The following LDHAL6A variants were observed in gnomAD, a reference collection of about 807,000 sequenced individuals.
The protein encoded by LDHAL6A is lactate dehydrogenase A like 6A.
In LDHAL6A, 19 loss-of-function variants were observed where a neutral mutation model predicts 28.2. The observed-to-expected ratio is 0.67, with a 90% CI of 0.47 to 0.99. LDHAL6A has a LOEUF of 0.99. Among genes scored for constraint, LDHAL6A ranks in the 50% least tolerant of loss-of-function variants. The probability of loss-of-function intolerance (pLI) is 0.00; values close to 1 mark genes in which losing one functional copy is unlikely to be tolerated. For synonymous variants in LDHAL6A, 144 were observed against 134.4 expected (o/e 1.07, Z -0.49); for missense variants, 372 against 398.6 (o/e 0.93, Z 0.57).
chr11:18,466,675 G>C (rs868468637), intron 3 of LDHAL6A, among the ~76,000 whole-genome samples: 39 of 138,742 alleles, frequency 2.8e-4, no homozygotes, highest in South Asian at 9.8e-4. Context: ...AAAAAAAGTA[G>C]TGTGTATGGG....
intron 1 of LDHAL6A, among the ~76,000 whole-genome samples, chr11:18,461,404 A>C (rs764314462): frequency 1.3e-4 from 19 of 151,968 alleles, no homozygotes; most frequent in Non-Finnish European, 2.8e-4. Flanking sequence ...TGGCCTCCCA[A>C]AGTGCTGGGA....
chr11:18,464,513 G>A (rs892238245), intron 2 of LDHAL6A, among the ~76,000 whole-genome samples: 12 of 152,112 alleles, frequency 7.9e-5, no homozygotes, highest in African/African-American at 1.4e-4. Flanking sequence ...TTGGGAGTTC[G>A]AGACCAGCCT....
chr11:18,467,947 A>ATATATACG (rs1565071213), intron 3 of LDHAL6A, among the ~76,000 whole-genome samples: 4 of 40,472 alleles, frequency 9.9e-5, no homozygotes, highest in African/African-American at 2.8e-4. Context: ...ACACACACAT[A>ATATATACG]TATATATACG....
intron 3 of LDHAL6A, among the ~76,000 whole-genome samples, chr11:18,471,394 G>T (rs534647516): frequency 9.9e-5 from 15 of 151,742 alleles, no homozygotes; most frequent in African/African-American, 3.6e-4. Context: ...ATTTTCAGTA[G>T]AGCTGGAGTT....
chr11:18,462,099 G>A (rs181713), intron 1 of LDHAL6A, among the ~76,000 whole-genome samples: 1 of 152,132 alleles, frequency 6.6e-6, no homozygotes, highest in Non-Finnish European at 1.5e-5. Flanking sequence ...CTGAGCCTGA[G>A]AAAGTTGAGG....
chr11:18,456,276 C>T lies in LDHAL6A; in HGVS notation c.-405C>T. On this transcript the variant is annotated 5_prime_UTR_variant, in exon 1 of 7. Coordinates refer to ENST00000280706, the MANE Select transcript of LDHAL6A (RefSeq NM_144972.5). ...CACCTGGACCTGCGGACCCCGGGCGCAGTCCTGGAGCTGAGAACTGGAGGT... is the reference window on the plus strand; with the variant it reads ...CACCTGGACCTGCGGACCCCGGGCGTAGTCCTGGAGCTGAGAACTGGAGGT... 1 of 181,830 alleles carries T rather than the reference C, an allele frequency of 5.5e-6. No individual in the cohort carries two copies. The highest frequency in any genetic ancestry group is 1.1e-5 in the Non-Finnish European group (1 of 87,892). The allele number at this position is 181,830 out of a possible 1,614,324, so 11.3% of individuals were successfully genotyped here. A position where few individuals can be genotyped will look rare whatever the true frequency, so the allele number is the denominator to read the frequency against.
At chr11:18,475,812 A>G in intron 4 of LDHAL6A, 173 bp downstream of exon 4, 1 of 520,744 alleles carries the variant, frequency 1.9e-6, no homozygotes, top group Non-Finnish European at 3.3e-6. Flanking sequence ...CAAAAAATAC[A>G]GATTTGAAAA....
At chr11:18,470,728 C>T (rs555410316) in intron 3 of LDHAL6A, among the ~76,000 whole-genome samples, 1 of 151,550 alleles carries the variant, frequency 6.6e-6, no homozygotes, top group Admixed American at 6.6e-5. Context: ...GGTCTGTTGC[C>T]CAGGCTGGAG....
intron 3 of LDHAL6A, chr11:18,469,069 C>T (rs534501465): frequency 4.5e-6 from 2 of 442,798 alleles, no homozygotes; most frequent in South Asian, 5.4e-5. Context: ...TTTTCTTACA[C>T]ACTTTCCAGT....
chr11:18,478,481 A>C (rs1379894303), intron 6 of LDHAL6A, among the ~76,000 whole-genome samples: 4 of 151,374 alleles, frequency 2.6e-5, no homozygotes, highest in African/African-American at 7.3e-5. Context: ...AATGGCGTGA[A>C]CCCGGGAGGC....
intron 2 of LDHAL6A, 45 bp downstream of exon 2, chr11:18,464,123 A>G (rs1286914131): frequency 8.0e-7 from 1 of 1,251,090 alleles, no homozygotes; most frequent in Admixed American, 1.7e-5. Context: ...ATATACATGA[A>G]CAAGTATCTA....
At chr11:18,464,977 G>GTTTTTTTTGTTTTTTT (rs1849016188) in intron 2 of LDHAL6A, among the ~76,000 whole-genome samples, 22 of 125,558 alleles carry the variant, frequency 1.8e-4, no homozygotes, top group African/African-American at 2.7e-4. Context: ...TGTTTTTTTT[G>GTTTTTTTTGTTTTTTT]TTTTTTTTTG....
chr11:18,460,833 TCTTTC>T (rs1031705025), intron 1 of LDHAL6A, among the ~76,000 whole-genome samples: 28 of 152,164 alleles, frequency 1.8e-4, no homozygotes, highest in Non-Finnish European at 3.5e-4. Flanking sequence ...CTTGGTTATT[TCTTTC>T]CTTTTCTTTT....
intron 1 of LDHAL6A, among the ~76,000 whole-genome samples, chr11:18,462,155 A>G (rs1848927741): frequency 6.6e-6 from 1 of 152,168 alleles, no homozygotes. Context: ...CCTGGGGGAC[A>G]GAGCAAGCCC....
chr11:18,461,287 G>A (rs1848894434), intron 1 of LDHAL6A, among the ~76,000 whole-genome samples: 1 of 151,714 alleles, frequency 6.6e-6, no homozygotes, highest in South Asian at 2.1e-4. Flanking sequence ...TGGGACTACA[G>A]GTGCATGCCA....
chr11:18,476,968 C>T (rs150262772), intron 5 of LDHAL6A, among the ~76,000 whole-genome samples: 1 of 150,878 alleles, frequency 6.6e-6, no homozygotes, highest in Admixed American at 6.6e-5. Context: ...AGGGAGACCC[C>T]ATCTCTGCTG....
chr11:18,456,594 C>CA lies in LDHAL6A; in HGVS notation c.-86dup. 6 of 1,274,882 alleles carry CA rather than the reference C, an allele frequency of 4.7e-6. No homozygotes were observed. Among genetic ancestry groups the CA allele is most frequent in the Non-Finnish European group, 6.8e-6 (6 of 884,584 alleles). 79.0% of individuals were successfully genotyped at this position (1,274,882 alleles called of 1,614,324 possible). On this transcript the variant is annotated 5_prime_UTR_variant, in exon 1 of 7. It removes the in-frame stop codon of an upstream open reading frame in the 5' UTR. Transcript: ENST00000280706. ...CCCAGGAGTTCTCTATACGCGCTCT[C>CA]ACCGCAGGTCTTGGAATTCCAAGCC...
intron 6 of LDHAL6A, among the ~76,000 whole-genome samples, chr11:18,478,139 A>T (rs1256569840): frequency 2.6e-5 from 4 of 152,156 alleles, no homozygotes; most frequent in Non-Finnish European, 5.9e-5. Context: ...ATTAGCAGTT[A>T]GTCTCCTGGG....
In LDHAL6A at chr11:18,478,765, T is replaced by C; in HGVS notation, c.894T>C (p.Asn298=). The C allele has an allele frequency of 6.2e-7, 1 of 1,613,082 alleles. No homozygotes were observed. The highest frequency in any genetic ancestry group is 8.5e-7 in the Non-Finnish European group (1 of 1,179,150). ...GTGTCCCATGTATCCTGGGAGAGAA[T>C]GGTATCACAGACCTCATAAAAGTAA... is the stretch of plus-strand genomic sequence containing the variant. ...FLSVPCILGE[N]GITDLIKVKL... The change falls in exon 7 of 7, where the codon AAT becomes AAC. Residue 298 remains asparagine, a synonymous_variant. Coordinates refer to ENST00000280706, the MANE Select transcript of LDHAL6A (RefSeq NM_144972.5).
Sources: gnomAD v4.1 joint callset for allele counts (sites outside exome capture counted in the v4.1 genomes callset) on GRCh38, gnomAD v4.1.1 for gene constraint, MANE v1.5 for transcripts, NCBI Gene and HGNC (gene_info 2026-07-23, HGNC 2026-07-21) for gene names.